The following EBF1 variants were observed in gnomAD, a reference collection of about 807,000 sequenced individuals.
The protein encoded by EBF1 is transcription factor COE1.
A neutral mutation model predicts 68.4 loss-of-function variants in EBF1; 10 were observed. The observed-to-expected ratio is 0.15, with a 90% confidence interval of 0.09 to 0.25. The LOEUF is 0.25. EBF1 is among the 10% of genes least tolerant of loss of function. EBF1 has a pLI of 1.00. For missense variants in EBF1, 509 were observed against 794.4 expected, an observed-to-expected ratio of 0.64 and a Z score of 4.32; for synonymous variants, 298 against 299.8, an observed-to-expected ratio of 0.99 and a Z score of 0.06.
At chr5:158,930,888 A>C (rs992939399) in intron 6 of EBF1, among the ~76,000 whole-genome samples, 3 of 117,372 alleles carry the variant, frequency 2.6e-5, no homozygotes, top group African/African-American at 3.7e-5. Context: ...CAGGTTACCC[A>C]AAAAAAAAAA....
intron 6 of EBF1, among the ~76,000 whole-genome samples, chr5:158,851,814 A>T: frequency 1.2e-5 from 1 of 82,026 alleles, no homozygotes; most frequent in South Asian, 5.7e-4. Flanking sequence ...AGGGAAGGGA[A>T]GGGAATAGAA....
chr5:158,759,336 G>A (rs1311629135), intron 10 of EBF1, among the ~76,000 whole-genome samples: 1 of 152,090 alleles, frequency 6.6e-6, no homozygotes, highest in African/African-American at 2.4e-5. Flanking sequence ...TATTTTTTTA[G>A]AGTCAGAAAG....
chr5:158,956,465 A>ACACACACACACACG (rs562329447), intron 6 of EBF1, among the ~76,000 whole-genome samples: 3 of 149,814 alleles, frequency 2.0e-5, no homozygotes, highest in Non-Finnish European at 4.4e-5. Flanking sequence ...ACACATAGAC[A>ACACACACACACACG]CACACACACA....
chr5:159,073,269 C>A, intron 6 of EBF1, 127 bp downstream of exon 6: 1 of 923,222 alleles, frequency 1.1e-6, no homozygotes, highest in Non-Finnish European at 1.7e-6. Flanking sequence ...CTCAGCACAG[C>A]GTAAGTCATG....
chr5:158,840,158 G>A, intron 6 of EBF1, 48 bp from the exon 7 acceptor site: 1 of 1,487,258 alleles, frequency 6.7e-7, no homozygotes, highest in Non-Finnish European at 9.4e-7. Flanking sequence ...TTCTGACACG[G>A]GAGGGAAAAA....
chr5:158,704,457 A>G (rs1319507497), intron 15 of EBF1, among the ~76,000 whole-genome samples: 1 of 152,138 alleles, frequency 6.6e-6, no homozygotes, highest in Non-Finnish European at 1.5e-5. Context: ...GACATGGGCA[A>G]TTTGCTTAAC....
chr5:158,957,786 A>C (rs1817435153), intron 6 of EBF1, among the ~76,000 whole-genome samples: 1 of 152,208 alleles, frequency 6.6e-6, no homozygotes, highest in Non-Finnish European at 1.5e-5. Context: ...ATATTTTTCA[A>C]GGGAAATGAT....
At chr5:158,948,021 G>T (rs1334911035) in intron 6 of EBF1, among the ~76,000 whole-genome samples, 1 of 152,198 alleles carries the variant, frequency 6.6e-6, no homozygotes, top group African/African-American at 2.4e-5. Context: ...GATCTTTTAA[G>T]ACATGAATCC....
At chr5:158,859,134 G>A (rs1794567354) in intron 6 of EBF1, among the ~76,000 whole-genome samples, 1 of 152,184 alleles carries the variant, frequency 6.6e-6, no homozygotes, top group African/African-American at 2.4e-5. Flanking sequence ...AAAAGGGCCA[G>A]TAAGAGTTCT....
chr5:158,918,945 G>T (rs1279878873), intron 6 of EBF1, among the ~76,000 whole-genome samples: 1 of 152,208 alleles, frequency 6.6e-6, no homozygotes, highest in African/African-American at 2.4e-5. Flanking sequence ...GACAGAGTTT[G>T]AATGGGCTTT....
At chr5:159,091,742 T>C (rs539964851) in intron 4 of EBF1, among the ~76,000 whole-genome samples, 1 of 152,280 alleles carries the variant, frequency 6.6e-6, no homozygotes, top group East Asian at 1.9e-4. Flanking sequence ...AAAACAAATA[T>C]ATCAAGAAGT....
At chr5:158,792,869 C>T (rs1778927587) in intron 9 of EBF1, among the ~76,000 whole-genome samples, 1 of 152,142 alleles carries the variant, frequency 6.6e-6, no homozygotes, top group South Asian at 2.1e-4. Flanking sequence ...AGCCCTCTTA[C>T]CTCTCTGAGT....
chr5:158,844,992 C>CTCTT (rs1791156037), intron 6 of EBF1, among the ~76,000 whole-genome samples: 1 of 152,158 alleles, frequency 6.6e-6, no homozygotes, highest in Non-Finnish European at 1.5e-5. Context: ...AAAGGCACTT[C>CTCTT]TGGACTCCCC....
chr5:158,714,300 G>A (rs924113407), intron 11 of EBF1, 118 bp from the exon 12 acceptor site: 268 of 1,108,936 alleles, frequency 2.4e-4, no homozygotes, highest in Middle Eastern at 8.1e-4. Context: ...TATAAAGGCC[G>A]TAGCTTGGGG....
intron 15 of EBF1, 121 bp downstream of exon 15, chr5:158,707,858 G>A: frequency 8.2e-7 from 1 of 1,216,070 alleles, no homozygotes; most frequent in Non-Finnish European, 1.1e-6. Flanking sequence ...GATGAGGGCA[G>A]AGAGAATCAG....
At chr5:159,090,872 C>T (rs1275061131) in intron 4 of EBF1, among the ~76,000 whole-genome samples, 1 of 151,966 alleles carries the variant, frequency 6.6e-6, no homozygotes, top group Non-Finnish European at 1.5e-5. Context: ...TTGTACCAGT[C>T]GCTGTTCTAA....
At chr5:158,879,771 G>A (rs182516835) in intron 6 of EBF1, among the ~76,000 whole-genome samples, 3 of 152,236 alleles carry the variant, frequency 2.0e-5, no homozygotes, top group South Asian at 2.1e-4. Context: ...GAAAAGAAAC[G>A]GACAGGAGGG....
intron 6 of EBF1, among the ~76,000 whole-genome samples, chr5:158,948,078 C>T (rs1221286811): frequency 6.6e-6 from 1 of 152,192 alleles, no homozygotes; most frequent in Non-Finnish European, 1.5e-5. Context: ...ATTCTGGAAG[C>T]AAAATTGACA....
rs976289427 is a variant in EBF1, at chr5:158,839,949, T to C, written c.636+80A>G. Reference sequence around the variant, plus strand: ...TTCACCTCTGGGAAAAAAAGCTACGTATCTTCTGCCTAAGACTTTTTTATC... The same window carrying C: ...TTCACCTCTGGGAAAAAAAGCTACGCATCTTCTGCCTAAGACTTTTTTATC... On this transcript the variant is annotated intron_variant, in intron 7 of 15. Coordinates refer to ENST00000313708, the MANE Select transcript of EBF1 (RefSeq NM_024007.5). 1.0e-5 allele frequency: 14 copies of C among 1,399,358 alleles called. No individual in the cohort carries two copies. In the East Asian group the frequency reaches 2.7e-4, roughly 27 times the overall value. The allele number at this position is 1,399,358 out of a possible 1,614,324, so 86.7% of individuals were successfully genotyped here.
Sources: gnomAD v4.1 joint callset for allele counts (sites outside exome capture counted in the v4.1 genomes callset) on GRCh38, gnomAD v4.1.1 for gene constraint, MANE v1.5 for transcripts, NCBI Gene and HGNC (gene_info 2026-07-23, HGNC 2026-07-21) for gene names.